Variants in FAM234A observed in about 807,000 individuals in gnomAD.
FAM234A encodes the protein family with sequence similarity 234 member A.
In FAM234A, 42 loss-of-function variants were observed where a neutral mutation model predicts 49.1. That is an observed-to-expected ratio of 0.86 (90% CI 0.67 to 1.11). The LOEUF (loss-of-function observed/expected upper bound fraction) is 1.11, where lower values mean the gene tolerates loss of function less well. Among genes scored for constraint, FAM234A ranks in the 50% least tolerant of loss-of-function variants. The pLI is 0.00. For missense variants in FAM234A, 815 were observed against 745.2 expected (o/e 1.09, Z -1.09); for synonymous variants, 369 against 316.2 (o/e 1.17, Z -1.77).
intron 7 of FAM234A, 37 bp from the exon 8 acceptor site, chr16:262,387 A>AC: frequency 3.2e-6 from 5 of 1,566,698 alleles, no homozygotes; most frequent in Non-Finnish European, 4.3e-6. Context: ...TCACAGCGTG[A>AC]CCCTGGTGAC....
intron 1 of FAM234A, among the ~76,000 whole-genome samples, chr16:238,207 C>G (rs567648474): frequency 1.3e-5 from 2 of 152,022 alleles, no homozygotes; most frequent in Non-Finnish European, 2.9e-5. Context: ...TTGGTAGAGA[C>G]GAGGTTTCGC....
rs1269347922 is a variant in FAM234A, at chr16:251,706, T to TA, written c.-34+2054dup. ...TTTTTTTTTTTTTTTTTTTTTTTTT[T>TA]AAGAGATGGGGTCTTGGCCAGGCGT... On this transcript the variant is annotated intron_variant, in intron 2 of 12. Transcript: ENST00000399932. 4.8e-4 allele frequency among the ~76,000 whole-genome samples: 70 copies of TA among 146,142 alleles called. 1 individual carries two copies. Among genetic ancestry groups the TA allele is most frequent in the Non-Finnish European group, 6.6e-4 (44 of 66,284 alleles).
At chr16:260,908 G>T in intron 5 of FAM234A, 1 of 325,136 alleles carries the variant, frequency 3.1e-6, no homozygotes, top group Non-Finnish European at 6.1e-6. Flanking sequence ...CTCCATTCTT[G>T]CCTTCTATGT....
intron 2 of FAM234A, among the ~76,000 whole-genome samples, chr16:252,833 C>T (rs1041718429): frequency 6.6e-6 from 1 of 152,230 alleles, no homozygotes; most frequent in Non-Finnish European, 1.5e-5. Context: ...GAGGGTGCGG[C>T]TTTCAGCTCA....
intron 1 of FAM234A, among the ~76,000 whole-genome samples, chr16:235,184 C>T (rs779209228): frequency 2.0e-5 from 3 of 152,216 alleles, no homozygotes; most frequent in Non-Finnish European, 4.4e-5. Context: ...CGGTAGGGAG[C>T]TCCCCGCCGT....
At chr16:247,402 T>TATAG (rs2050850359) in intron 1 of FAM234A, among the ~76,000 whole-genome samples, 1 of 151,794 alleles carries the variant, frequency 6.6e-6, no homozygotes, top group South Asian at 2.1e-4. Context: ...GTGCTGGGAT[T>TATAG]ATAGACATGA....
chr16:268,634 G>A (rs1160733061), downstream of FAM234A: 13 of 762,306 alleles, frequency 1.7e-5, no homozygotes, highest in African/African-American at 3.5e-5. Context: ...GGGAGGCCGC[G>A]GCCTCGAGGT....
intron 5 of FAM234A, chr16:260,657 T>G: frequency 2.1e-6 from 1 of 471,980 alleles, no homozygotes; most frequent in Non-Finnish European, 4.4e-6. Context: ...CGGGGCCATG[T>G]GTGTGTGTGG....
chr16:241,837 C>T (rs1381335518), intron 1 of FAM234A, among the ~76,000 whole-genome samples: 2 of 139,452 alleles, frequency 1.4e-5, no homozygotes, highest in African/African-American at 2.7e-5. Context: ...AACCAGGAGG[C>T]GGAGGTTGCA....
At chr16:240,993 C>G (rs1254986465) in intron 1 of FAM234A, among the ~76,000 whole-genome samples, 1 of 151,968 alleles carries the variant, frequency 6.6e-6, no homozygotes, top group Non-Finnish European at 1.5e-5. Context: ...GACTGGAATG[C>G]AGTGGTGTGA....
downstream of FAM234A, chr16:269,023 G>A: frequency 7.5e-7 from 1 of 1,338,472 alleles, no homozygotes; most frequent in Non-Finnish European, 1.0e-6. Context: ...GCTCTGCCCT[G>A]ACCCAAGCTG....
chr16:261,613 G>T, intron 6 of FAM234A, 99 bp downstream of exon 6: 16 of 1,420,676 alleles, frequency 1.1e-5, no homozygotes, highest in Non-Finnish European at 1.4e-5. Flanking sequence ...ACAGGATTCG[G>T]GTCTGACCAC....
intron 4 of FAM234A, 95 bp from the exon 5 acceptor site, chr16:259,874 G>A (rs1396699230): frequency 8.8e-7 from 1 of 1,139,070 alleles, no homozygotes; most frequent in Non-Finnish European, 1.3e-6. Flanking sequence ...TAGGAGAGGT[G>A]TGAGGAAAAC....
chr16:269,630 C>G, downstream of FAM234A: 1 of 1,436,730 alleles, frequency 7.0e-7, no homozygotes, highest in Non-Finnish European at 9.8e-7. Flanking sequence ...GCCTCCTCAC[C>G]TCTCAGCCAG....
intron 1 of FAM234A, among the ~76,000 whole-genome samples, chr16:247,806 C>T (rs1477770318): frequency 1.3e-5 from 2 of 152,036 alleles, no homozygotes; most frequent in Non-Finnish European, 2.9e-5. Flanking sequence ...TCATAAATGC[C>T]TCAACGGCTG....
chr16:259,383 G>A (rs2141326316), intron 3 of FAM234A, 100 bp from the exon 4 acceptor site: 1 of 705,236 alleles, frequency 1.4e-6, no homozygotes, highest in Non-Finnish European at 2.5e-6. Context: ...CCCTCACAGT[G>A]GCAGGTTCCA....
In FAM234A at chr16:265,478, C is replaced by T. The variant is rs1230151964; in HGVS notation, c.*456C>T. 5.0e-6 allele frequency: 5 copies of T among 993,548 alleles called. No individual in the cohort carries two copies. In the African/African-American group the frequency reaches 5.2e-5, roughly 10 times the overall value. The allele number at this position is 993,548 out of a possible 1,614,324, so 61.5% of individuals were successfully genotyped here. A position where few individuals can be genotyped will look rare whatever the true frequency, so the allele number is the denominator to read the frequency against. ...CACCCCATCCTGTAGAAGTCCATTC[C>T]CCTTTTCCCTCCTGTGCTCTGTCCC... On this transcript the variant is annotated 3_prime_UTR_variant, in exon 13 of 13. Transcript: ENST00000399932.
intron 1 of FAM234A, 27 bp from the exon 2 acceptor site, chr16:249,522 C>G (rs983783192): frequency 6.6e-6 from 1 of 152,020 alleles, no homozygotes; most frequent in African/African-American, 2.4e-5. Flanking sequence ...CTGAGCTGCA[C>G]TTGACAAGTG....
intron 1 of FAM234A, chr16:246,987 C>G (rs2141225867): frequency 6.6e-6 from 1 of 151,934 alleles, no homozygotes; most frequent in East Asian, 1.9e-4. Flanking sequence ...GTTGTTCAGG[C>G]TGGTCTCGAA....
Sources: gnomAD v4.1 joint callset for allele counts (sites outside exome capture counted in the v4.1 genomes callset) on GRCh38, gnomAD v4.1.1 for gene constraint, MANE v1.5 for transcripts, NCBI Gene and HGNC (gene_info 2026-07-23, HGNC 2026-07-21) for gene names.